Variants in PDGFA observed in about 807,000 individuals in gnomAD.
The protein encoded by PDGFA is platelet-derived growth factor subunit A.
In PDGFA, 9 loss-of-function variants were observed where a neutral mutation model predicts 25.6. That is an observed-to-expected ratio of 0.35 (90% CI 0.21 to 0.61). The LOEUF is 0.61. Ranked by LOEUF, PDGFA falls within the 20% of genes least tolerant of loss-of-function variation. The pLI is 0.75. For synonymous variants in PDGFA, 133 were observed against 111.8 expected (o/e 1.19, Z -1.20); for missense variants, 242 against 272.8 (o/e 0.89, Z 0.79).
chr7:506,018 A>G (rs1365203260), intron 4 of PDGFA, among the ~76,000 whole-genome samples: 3 of 152,122 alleles, frequency 2.0e-5, no homozygotes, highest in Non-Finnish European at 4.4e-5. Context: ...TACTAAAAAA[A>G]TACAAAAAAT....
At chr7:514,804 C>G (rs112712264) in intron 2 of PDGFA, among the ~76,000 whole-genome samples, 5 of 152,218 alleles carry the variant, frequency 3.3e-5, no homozygotes, top group African/African-American at 7.2e-5. Context: ...CGCGGGCTGC[C>G]GGTCATTAAA....
intron 2 of PDGFA, among the ~76,000 whole-genome samples, chr7:514,958 G>T (rs1244806114): frequency 6.0e-5 from 9 of 150,192 alleles, no homozygotes; most frequent in Admixed American, 3.3e-4. Flanking sequence ...CCACAGTCAA[G>T]GAGCGGCCAA....
Position 510,857 on chromosome 7 carries a change from CG to C in PDGFA, c.404del (p.Thr135ArgfsTer30). Reference sequence around the variant, plus strand: ...GGGAGGGCTGGCACTTGACACTGCTCGTGTTGCAGCAGCCGGTGCAGCGTTT... The same window carrying C: ...GGGAGGGCTGGCACTTGACACTGCTCTGTTGCAGCAGCCGGTGCAGCGTTT... On this transcript the variant is annotated frameshift_variant, in exon 4 of 6. Transcript: ENST00000402802. LOFTEE classifies it high-confidence loss of function. The C allele has an allele frequency of 6.2e-7, 1 of 1,609,906 alleles. No homozygotes were observed. The highest frequency in any genetic ancestry group is 1.1e-5 in the South Asian group (1 of 90,712).
intron 2 of PDGFA, chr7:513,026 G>C (rs931379148): frequency 1.1e-5 from 2 of 190,122 alleles, no homozygotes; most frequent in African/African-American, 4.6e-5. Context: ...CGCCAGACTG[G>C]GCTGCGGGCC....
chr7:499,416 C>T (rs1175912795), intron 5 of PDGFA, among the ~76,000 whole-genome samples: 5 of 152,266 alleles, frequency 3.3e-5, no homozygotes, highest in Non-Finnish European at 7.3e-5. Flanking sequence ...ATCCTCCTCT[C>T]TTCTAAAGAA....
intron 2 of PDGFA, among the ~76,000 whole-genome samples, chr7:516,275 G>A (rs899047628): frequency 2.8e-5 from 4 of 144,320 alleles, no homozygotes; most frequent in Non-Finnish European, 4.5e-5. Context: ...AGAAACCATC[G>A]GCCTTGTTAG....
chr7:513,927 G>A (rs998058936), intron 2 of PDGFA, among the ~76,000 whole-genome samples: 1 of 152,168 alleles, frequency 6.6e-6, no homozygotes, highest in African/African-American at 2.4e-5. Flanking sequence ...GATCAGAACA[G>A]AACTACTCAT....
At chr7:505,469 C>T (rs978590669) in intron 4 of PDGFA, among the ~76,000 whole-genome samples, 2 of 152,236 alleles carry the variant, frequency 1.3e-5, no homozygotes, top group Non-Finnish European at 2.9e-5. Flanking sequence ...CTACAAAGCC[C>T]AGAAGCTGCA....
upstream of PDGFA, chr7:520,094 C>A: frequency 2.5e-6 from 1 of 395,974 alleles, no homozygotes; most frequent in Non-Finnish European, 5.0e-6. Context: ...GGGCTCCGCG[C>A]CCCTCCCTCG....
chr7:499,664 CAA>C lies in PDGFA; in HGVS notation c.581-1092_581-1091del, dbSNP rs201221020. 4.8e-3 allele frequency among the ~76,000 whole-genome samples: 673 copies of C among 140,118 alleles called. 4 individuals carry two copies. Among genetic ancestry groups the C allele is most frequent in the African/African-American group, 0.017 (635 of 36,998 alleles). The allele number at this position is 140,118 out of a possible 152,430, so 91.9% of individuals were successfully genotyped here. ...GGAGGGATGGCAGCTGAGAAAAACA[CAA>C]AAGTCACTGGGTGGGATTTCCAGGA... is the stretch of plus-strand genomic sequence containing the variant. On this transcript the variant is annotated intron_variant, in intron 5 of 5. Coordinates refer to ENST00000402802, the Ensembl canonical transcript of PDGFA.
At chr7:497,600 A>G (rs970521938) in exon 6 of PDGFA, 3 of 152,236 alleles carry the variant, frequency 2.0e-5, no homozygotes, top group Non-Finnish European at 2.9e-5. Context: ...TCACTCAGCC[A>G]CAAACGGGCT....
chr7:498,599 C>T (rs751043228), intron 5 of PDGFA, 25 bp from the exon 6 acceptor site: 9 of 1,608,752 alleles, frequency 5.6e-6, no homozygotes. Flanking sequence ...GAAAGACAGA[C>T]ACTGAGACCA....
chr7:516,368 T>C (rs996948350), intron 2 of PDGFA, among the ~76,000 whole-genome samples: 2 of 152,218 alleles, frequency 1.3e-5, no homozygotes, highest in East Asian at 1.9e-4. Flanking sequence ...GACTAGACCA[T>C]GTGATTTCAC....
In PDGFA at chr7:508,559, CAAAAAAA is replaced by C. The variant is rs766165770; in HGVS notation, c.453+2243_453+2249del. Among the ~76,000 whole-genome samples, 138 of 35,670 alleles carry C rather than the reference CAAAAAAA, an allele frequency of 3.9e-3. 6 individuals are homozygous for C. The highest frequency in any genetic ancestry group is 0.028 in the Admixed American group (56 of 2,036). The allele number at this position is 35,670 out of a possible 152,430, so 23.4% of individuals were successfully genotyped here. A position where few individuals can be genotyped will look rare whatever the true frequency, so the allele number is the denominator to read the frequency against. On this transcript the variant is annotated intron_variant, in intron 4 of 5. Coordinates refer to ENST00000402802, the Ensembl canonical transcript of PDGFA. Reference sequence around the variant, plus strand: ...TGGGCAACAGAGCAAGAAGCTGTCCCAAAAAAAAAAAAAAAAAAAAAAAAAAAAATTC... The same window carrying C: ...TGGGCAACAGAGCAAGAAGCTGTCCCAAAAAAAAAAAAAAAAAAAAAATTC...
chr7:518,984 G>A, exon 1 of PDGFA: 1 of 1,541,310 alleles, frequency 6.5e-7, no homozygotes, highest in Non-Finnish European at 8.7e-7. Context: ...GGAGCAGCAG[G>A]CAAGCCAAGG....
upstream of PDGFA, chr7:520,661 G>T (rs1274618258): frequency 2.0e-5 from 3 of 152,286 alleles, no homozygotes; most frequent in African/African-American, 7.2e-5. Context: ...TCCCGCGTCG[G>T]GATCCGTGGG....
intron 1 of PDGFA, 123 bp downstream of exon 1, chr7:518,816 T>G: frequency 1.8e-6 from 1 of 568,522 alleles, no homozygotes; most frequent in South Asian, 2.6e-5. Context: ...GTTGGGAAAA[T>G]CTAAACATCG....
chr7:498,594 A>G lies in PDGFA; in HGVS notation c.581-20T>C, dbSNP rs759906748. The G allele has an allele frequency of 6.2e-7, 1 of 1,609,560 alleles. No individual in the cohort carries two copies. The highest frequency in any genetic ancestry group is 1.7e-5 in the Admixed American group (1 of 59,582). ...TCACATCTGCAGGGAGAAGGGAAAG[A>G]CAGACACTGAGACCACCGACCAAGT... On this transcript the variant is annotated intron_variant, in intron 5 of 5. Coordinates refer to ENST00000402802, the Ensembl canonical transcript of PDGFA.
chr7:504,725 C>T (rs142598158), intron 4 of PDGFA, among the ~76,000 whole-genome samples: 2,471 of 152,340 alleles, frequency 0.016, 47 homozygotes, highest in African/African-American at 0.04. Context: ...CCTGACCCTC[C>T]GGATGGCACA....
Sources: allele counts gnomAD v4.1 joint callset (sites outside exome capture counted in the v4.1 genomes callset), GRCh38; gene constraint gnomAD v4.1.1; transcripts MANE v1.5; gene names NCBI Gene and HGNC (gene_info 2026-07-23, HGNC 2026-07-21).